The following RIMBP2 variants were observed in gnomAD, a reference collection of about 807,000 sequenced individuals.
The protein encoded by RIMBP2 is RIMS binding protein 2, also known as RIMS-binding protein 2.
In RIMBP2, 48 loss-of-function variants were observed where a neutral mutation model predicts 118.6. That is an observed-to-expected ratio of 0.40 (90% CI 0.32 to 0.51). The LOEUF is 0.51. Among genes scored for constraint, RIMBP2 ranks in the 20% least tolerant of loss-of-function variants. RIMBP2 has a pLI of 0.41. For missense variants in RIMBP2, 1,551 were observed against 1,768.3 expected, an observed-to-expected ratio of 0.88 and a Z score of 2.20; for synonymous variants, 762 against 742.9, an observed-to-expected ratio of 1.03 and a Z score of -0.42.
chr12:130,438,473 C>A lies in RIMBP2; in HGVS notation c.1548G>T (p.Val516=). 1 of 1,612,352 alleles carries A rather than the reference C, an allele frequency of 6.2e-7. No homozygotes were observed. Among genetic ancestry groups the A allele is most frequent in the Non-Finnish European group, 8.5e-7 (1 of 1,179,280 alleles). Residue 516 remains valine, a synonymous_variant, in exon 12 of 23, where the codon GTG becomes GTT. Coordinates refer to ENST00000690449, the MANE Select transcript of RIMBP2 (RefSeq NM_001393629.1). ...PPQDVTVQAG[V]TPATIRVSWR... ...AGGAGACCCGGATGGTGGCGGGGGT[C>A]ACCCCAGCCTGGACGGTAACATCTT...
At chr12:130,535,744 T>TATAC (rs1555283902) in intron 2 of RIMBP2, among the ~76,000 whole-genome samples, 4 of 52,062 alleles carry the variant, frequency 7.7e-5, no homozygotes, top group Non-Finnish European at 1.5e-4. Context: ...TATACATATA[T>TATAC]ATATATATAT....
Position 130,509,943 on chromosome 12 carries a change from C to G in RIMBP2, c.-126-3173G>C, listed in dbSNP as rs2050747211. ...GTTTGGGGAGGAATCGATTCAGATT[C>G]GTGTTTCACAGAGAAGCCAACTTGG... On this transcript the variant is annotated intron_variant, in intron 3 of 22. Coordinates refer to ENST00000690449, the MANE Select transcript of RIMBP2 (RefSeq NM_001393629.1). Among the ~76,000 whole-genome samples, 3 of 152,298 alleles carry G rather than the reference C, an allele frequency of 2.0e-5. No homozygotes were observed. The South Asian group carries it at 6.2e-4, about 32-fold the overall frequency.
chr12:130,624,815 C>T (rs1232511586), intron 2 of RIMBP2, among the ~76,000 whole-genome samples: 2 of 152,154 alleles, frequency 1.3e-5, no homozygotes, highest in Non-Finnish European at 2.9e-5. Context: ...ACCTCTGCTT[C>T]CCGGGTTCAA....
At position 130,607,994 on chromosome 12, in the gene RIMBP2, C is replaced by T. The variant is rs539360701; in HGVS notation, c.-217+20328G>A. On this transcript the variant is annotated intron_variant, in intron 2 of 22. Coordinates refer to ENST00000690449, the MANE Select transcript of RIMBP2 (RefSeq NM_001393629.1). ...AAAAGGACCTGCCAGAAGTTCCTGT[C>T]CCCCAACCTGGAAACTTGCCACTGA... is the stretch of plus-strand genomic sequence containing the variant. Among the ~76,000 whole-genome samples, 5 of 152,256 alleles carry T rather than the reference C, an allele frequency of 3.3e-5. No individual in the cohort carries two copies. In the Middle Eastern group the frequency reaches 0.014, roughly 414 times the overall value.
chr12:130,478,349 T>C (rs2081623701), intron 5 of RIMBP2, among the ~76,000 whole-genome samples: 1 of 152,210 alleles, frequency 6.6e-6, no homozygotes, highest in Admixed American at 6.5e-5. Flanking sequence ...GACAGCAGAA[T>C]CAAACCACCA....
chr12:130,702,457 A>G (rs2398527), intron 1 of RIMBP2, among the ~76,000 whole-genome samples: 66,352 of 151,450 alleles, frequency 0.44, 17,941 homozygotes, highest in African/African-American at 0.77. Context: ...CAGAGGTTGC[A>G]GTGAGCTGAG....
chr12:130,471,163 C>T (rs945090566), intron 5 of RIMBP2, among the ~76,000 whole-genome samples: 1 of 152,250 alleles, frequency 6.6e-6, no homozygotes, highest in Non-Finnish European at 1.5e-5. Flanking sequence ...GGGCTGGGTC[C>T]TGAGCATGCA....
rs750407718 is a variant in RIMBP2, at chr12:130,579,657, AC to A, written c.-217+48664del. On this transcript the variant is annotated intron_variant, in intron 2 of 22. Transcript: ENST00000690449. The stretch of plus-strand genomic sequence containing the variant: ...AGGTGGTCTTAGGGACCCCCAGCAC[AC>A]TCCCCCATTGAGCACAAGCTCATTG... Among the ~76,000 whole-genome samples the A allele has an allele frequency of 2.1e-3, 323 of 151,612 alleles. 3 individuals are homozygous for A. Among genetic ancestry groups the A allele is most frequent in the Non-Finnish European group, 3.3e-3 (226 of 67,920 alleles).
At chr12:130,524,869 G>A (rs2052597837) in intron 2 of RIMBP2, among the ~76,000 whole-genome samples, 1 of 152,186 alleles carries the variant, frequency 6.6e-6, no homozygotes, top group Admixed American at 6.5e-5. Context: ...CCACATTCTG[G>A]CTTGGGGCTG....
chr12:130,613,826 A>AC (rs1271277909), intron 2 of RIMBP2, among the ~76,000 whole-genome samples: 22 of 151,454 alleles, frequency 1.5e-4, no homozygotes, highest in Admixed American at 9.9e-4. Context: ...AAAAAAAAAA[A>AC]AAAAAAACTC....
At chr12:130,506,418 T>C (rs926936738) in intron 4 of RIMBP2, among the ~76,000 whole-genome samples, 1 of 152,112 alleles carries the variant, frequency 6.6e-6, no homozygotes, top group Admixed American at 6.6e-5. Context: ...TCCTAAAAAA[T>C]GGAAATGCAT....
Position 130,447,258 on chromosome 12 carries a change from A to G in RIMBP2, c.582-1989T>C, listed in dbSNP as rs1208270786. On this transcript the variant is annotated intron_variant, in intron 9 of 22. Coordinates refer to ENST00000690449, the MANE Select transcript of RIMBP2 (RefSeq NM_001393629.1). The surrounding 1 kb of genome is among the most constrained non-coding windows in gnomAD (Gnocchi z 4.4). ...GGAAGGTGAACACCGAGAAGGGTGG[A>G]AGAAGGTCCCTGGCTGGTAAGGGCA... 6.6e-6 allele frequency among the ~76,000 whole-genome samples: 1 copy of G among 151,708 alleles called. No homozygotes were observed. The highest frequency in any genetic ancestry group is 1.5e-5 in the Non-Finnish European group (1 of 67,932).
At chr12:130,676,391 A>G (rs2064470153) in intron 1 of RIMBP2, among the ~76,000 whole-genome samples, 1 of 151,620 alleles carries the variant, frequency 6.6e-6, no homozygotes, top group African/African-American at 2.4e-5. Flanking sequence ...TTCGGAGGCC[A>G]AGGCGGGCAG....
intron 21 of RIMBP2, among the ~76,000 whole-genome samples, chr12:130,400,722 T>C (rs1194326265): frequency 2.6e-5 from 4 of 152,138 alleles, no homozygotes; most frequent in Admixed American, 1.3e-4. Flanking sequence ...TGTCTGCAAG[T>C]CATCTATCTG....
At chr12:130,487,135 C>T (rs1019993886) in intron 4 of RIMBP2, among the ~76,000 whole-genome samples, 1 of 152,238 alleles carries the variant, frequency 6.6e-6, no homozygotes, top group African/African-American at 2.4e-5. Flanking sequence ...TCCATGATCA[C>T]GTCAAGGTCA....
At position 130,620,961 on chromosome 12, in the gene RIMBP2, CCATCCTTGG is replaced by C. The variant is rs1407377881; in HGVS notation, c.-217+7352_-217+7360del. Among the ~76,000 whole-genome samples, 1 of 152,172 alleles carries C rather than the reference CCATCCTTGG, an allele frequency of 6.6e-6. No individual in the cohort carries two copies. The highest frequency in any genetic ancestry group is 1.5e-5 in the Non-Finnish European group (1 of 68,036). Reference sequence around the variant, plus strand: ...ACTCCGGGCCTGGGGCACCTGTGAGCCATCCTTGGCATGGTTACATTAGCCATGGGCGGG... The same window carrying C: ...ACTCCGGGCCTGGGGCACCTGTGAGCCATGGTTACATTAGCCATGGGCGGG... On this transcript the variant is annotated intron_variant, in intron 2 of 22. Transcript: ENST00000690449. The surrounding 1 kb of genome is among the most constrained non-coding windows in gnomAD (Gnocchi z 5.3).
intron 2 of RIMBP2, among the ~76,000 whole-genome samples, chr12:130,591,647 G>C (rs1004613568): frequency 6.6e-5 from 10 of 152,174 alleles, no homozygotes; most frequent in African/African-American, 2.4e-4. Context: ...CCTCCGCCCT[G>C]ACCCTCATGT....
Position 130,450,172 on chromosome 12 carries a change from T to A in RIMBP2, c.581+28A>T. The A allele has an allele frequency of 6.6e-7, 1 of 1,524,310 alleles. No individual in the cohort carries two copies. Among genetic ancestry groups the A allele is most frequent in the Non-Finnish European group, 9.0e-7 (1 of 1,108,848 alleles). 94.4% of individuals were successfully genotyped at this position (1,524,310 alleles called of 1,614,324 possible). On this transcript the variant is annotated intron_variant, in intron 9 of 22. Coordinates refer to ENST00000690449, the MANE Select transcript of RIMBP2 (RefSeq NM_001393629.1). The surrounding 1 kb of genome is among the most constrained non-coding windows in gnomAD (Gnocchi z 4.8). The stretch of plus-strand genomic sequence containing the variant: ...TCTCATCTGCCCCACTCACAGGGGC[T>A]CGGTGGACGCCGAGGGGCCGCACTT...
chr12:130,552,916 G>A (rs557252321), intron 2 of RIMBP2, among the ~76,000 whole-genome samples: 3 of 152,246 alleles, frequency 2.0e-5, no homozygotes, highest in African/African-American at 7.2e-5. Flanking sequence ...ACTTGGGGAG[G>A]CCGAGGCAGG....
Sources: gnomAD v4.1 joint callset for allele counts (sites outside exome capture counted in the v4.1 genomes callset) on GRCh38, gnomAD v4.1.1 for gene constraint, Gnocchi (gnomAD v3.1) non-coding constraint, MANE v1.5 for transcripts, NCBI Gene and HGNC (gene_info 2026-07-23, HGNC 2026-07-21) for gene names.